Variants in HEMK2 observed in about 807,000 individuals in gnomAD.
HEMK2 encodes methyltransferase HEMK2.
chr21:28,756,160 G>T, the HEMK2 span, among the ~76,000 whole-genome samples: 2 of 152,270 alleles, frequency 1.3e-5, no homozygotes, highest in East Asian at 1.9e-4. Flanking sequence ...CGAGCAACAG[G>T]TGAGTTGTTC....
At chr21:28,627,329 T>G in the HEMK2 span, among the ~76,000 whole-genome samples, 2,999 of 152,310 alleles carry the variant, frequency 0.02, 104 homozygotes, top group African/African-American at 0.068. Flanking sequence ...TACTGAACAC[T>G]GAAAATGGGT....
the HEMK2 span, among the ~76,000 whole-genome samples, chr21:28,729,924 C>A: frequency 6.6e-6 from 1 of 152,124 alleles, no homozygotes; most frequent in Admixed American, 6.5e-5. Flanking sequence ...GGAGAACAAA[C>A]TGTCATCTTT....
At chr21:28,830,877 TAA>T in the HEMK2 span, among the ~76,000 whole-genome samples, 1 of 7,948 alleles carries the variant, frequency 1.3e-4, no homozygotes. Flanking sequence ...ACTCCATCTT[TAA>T]AAAAAAAAAA....
the HEMK2 span, among the ~76,000 whole-genome samples, chr21:28,655,481 C>A: frequency 6.6e-6 from 1 of 151,930 alleles, no homozygotes; most frequent in South Asian, 2.1e-4. Context: ...TTTCCAAATC[C>A]ATCTCAATTG....
the HEMK2 span, among the ~76,000 whole-genome samples, chr21:28,636,915 T>C: frequency 6.6e-6 from 1 of 152,206 alleles, no homozygotes; most frequent in Non-Finnish European, 1.5e-5. Flanking sequence ...ACTGGGATCA[T>C]TTTTGCTTAG....
At chr21:28,616,818 A>T in the HEMK2 span, among the ~76,000 whole-genome samples, 1 of 152,220 alleles carries the variant, frequency 6.6e-6, no homozygotes, top group East Asian at 1.9e-4. Flanking sequence ...CAACTCAAAA[A>T]ACTCAACACA....
the HEMK2 span, among the ~76,000 whole-genome samples, chr21:28,758,890 G>C: frequency 2.6e-5 from 4 of 152,300 alleles, no homozygotes; most frequent in African/African-American, 9.6e-5. Flanking sequence ...CCAAGTTAGA[G>C]AAGTATGTAT....
the HEMK2 span, among the ~76,000 whole-genome samples, chr21:28,870,887 T>C: frequency 6.6e-6 from 1 of 152,332 alleles, no homozygotes; most frequent in South Asian, 2.1e-4. Flanking sequence ...TACGTAATTA[T>C]GTTTGTAAAC....
chr21:28,835,089 A>C, the HEMK2 span, among the ~76,000 whole-genome samples: 1 of 152,000 alleles, frequency 6.6e-6, no homozygotes, highest in Non-Finnish European at 1.5e-5. Context: ...AGGGCATATA[A>C]TCTTGAGAGT....
the HEMK2 span, among the ~76,000 whole-genome samples, chr21:28,863,828 A>G: frequency 6.6e-6 from 1 of 151,894 alleles, no homozygotes; most frequent in Non-Finnish European, 1.5e-5. Flanking sequence ...AGTCTTTTCT[A>G]TAATTTATTT....
At chr21:28,825,184 G>A in the HEMK2 span, among the ~76,000 whole-genome samples, 2 of 152,164 alleles carry the variant, frequency 1.3e-5, no homozygotes, top group African/African-American at 4.8e-5. Flanking sequence ...ACCCAGGGAA[G>A]GGGCTCTCAA....
At chr21:28,716,260 G>A in the HEMK2 span, among the ~76,000 whole-genome samples, 1 of 152,100 alleles carries the variant, frequency 6.6e-6, no homozygotes, top group Admixed American at 6.6e-5. Flanking sequence ...TCTGATACAT[G>A]TGCCTAGAAT....
chr21:28,695,920 G>T, the HEMK2 span, among the ~76,000 whole-genome samples: 1 of 152,104 alleles, frequency 6.6e-6, no homozygotes, highest in African/African-American at 2.4e-5. Context: ...AATGGGGGTT[G>T]TATCAGTCCA....
chr21:28,652,189 G>T, the HEMK2 span, among the ~76,000 whole-genome samples: 1 of 152,092 alleles, frequency 6.6e-6, no homozygotes. Flanking sequence ...TGATACTGTT[G>T]ATCACCTACC....
At chr21:28,765,192 C>T in the HEMK2 span, among the ~76,000 whole-genome samples, 4 of 152,056 alleles carry the variant, frequency 2.6e-5, no homozygotes, top group East Asian at 7.7e-4. Context: ...CTCAACCTAA[C>T]GTGCCACAAG....
the HEMK2 span, among the ~76,000 whole-genome samples, chr21:28,840,645 C>T: frequency 6.6e-5 from 10 of 151,924 alleles, no homozygotes; most frequent in South Asian, 6.2e-4. Flanking sequence ...AAAACCACAA[C>T]GCAATACTAC....
chr21:28,653,084 T>C, the HEMK2 span, among the ~76,000 whole-genome samples: 1 of 152,052 alleles, frequency 6.6e-6, no homozygotes, highest in Non-Finnish European at 1.5e-5. Context: ...CAAGAGTCCA[T>C]ACATTGCCAA....
chr21:28,603,547 ATATGTGTGTGTG>A, the HEMK2 span, among the ~76,000 whole-genome samples: 1 of 80,770 alleles, frequency 1.2e-5, no homozygotes, highest in African/African-American at 5.1e-5. Context: ...CTGAGGATAT[ATATGTGTGTGTG>A]TGTGTGTGTG....
chr21:28,609,566 G>GAAA, the HEMK2 span, among the ~76,000 whole-genome samples: 7 of 41,752 alleles, frequency 1.7e-4, no homozygotes, highest in Non-Finnish European at 2.5e-4. Flanking sequence ...TGAATTGCCA[G>GAAA]GAAAAAAAAA....
Sources: allele counts gnomAD v4.1 joint callset (sites outside exome capture counted in the v4.1 genomes callset), GRCh38; gene constraint gnomAD v4.1.1; transcripts MANE v1.5; gene names NCBI Gene and HGNC (gene_info 2026-07-23, HGNC 2026-07-21).